The following NSD2 variants were observed in gnomAD, a reference collection of about 807,000 sequenced individuals.
NSD2 encodes nuclear receptor binding SET domain protein 2.
NSD2 carries 12 observed loss-of-function variants against 139.0 expected under a neutral mutation model. The ratio of observed to expected loss-of-function variants is 0.09; its 90% CI spans 0.06 to 0.14. The LOEUF (loss-of-function observed/expected upper bound fraction) is 0.14. NSD2 is among the 10% of genes least tolerant of loss of function. The pLI, the probability that NSD2 is intolerant of heterozygous loss-of-function variation, is 1.00. For missense variants in NSD2, 1,155 were observed against 1,745.0 expected (o/e 0.66, Z 6.02); for synonymous variants, 669 against 648.7 (o/e 1.03, Z -0.48).
intron 9 of NSD2, chr4:1,944,052 G>A (rs1381314769): frequency 4.7e-6 from 5 of 1,065,770 alleles, no homozygotes; most frequent in Non-Finnish European, 5.7e-6. Flanking sequence ...GCACATGGGG[G>A]AACGTGGATG....
chr4:1,936,689 A>AT (rs1489470936), intron 7 of NSD2, among the ~76,000 whole-genome samples: 1 of 150,592 alleles, frequency 6.6e-6, no homozygotes, highest in Non-Finnish European at 1.5e-5. Context: ...AAAAAAAAAA[A>AT]GTTCTGACAG....
At chr4:1,893,265 C>T (rs1349223440) in intron 1 of NSD2, among the ~76,000 whole-genome samples, 1 of 152,078 alleles carries the variant, frequency 6.6e-6, no homozygotes, top group Non-Finnish European at 1.5e-5. Context: ...GTCAGGAGTT[C>T]GAGACCAGCC....
At chr4:1,908,476 A>G (rs1177262621) in intron 3 of NSD2, among the ~76,000 whole-genome samples, 2 of 152,252 alleles carry the variant, frequency 1.3e-5, no homozygotes, top group African/African-American at 4.8e-5. Flanking sequence ...AGAGTATAAA[A>G]GATACTGTAC....
At chr4:1,929,743 CATT>C (rs1721411194) in intron 5 of NSD2, among the ~76,000 whole-genome samples, 2 of 152,140 alleles carry the variant, frequency 1.3e-5, no homozygotes, top group African/African-American at 2.4e-5. Flanking sequence ...GGCTGGCTGG[CATT>C]AGTGTGTCAG....
In NSD2 at chr4:1,958,088, C is replaced by T. The variant is rs1725012879; in HGVS notation, c.2985+52C>T. On this transcript the variant is annotated intron_variant, in intron 16 of 21. Coordinates refer to ENST00000508803, the MANE Select transcript of NSD2 (RefSeq NM_001042424.3). This position sits in a 1 kb window ranked among gnomAD's most constrained non-coding sequence, Gnocchi z 4.6. ...GTGTGGAGGGAGTCTTCCCCGAGGG[C>T]CGTGAGAGGTTCTTAGGCACACCCA... The T allele has an allele frequency of 6.4e-7, 1 of 1,569,832 alleles. No individual in the cohort carries two copies. The highest frequency in any genetic ancestry group is 1.4e-5 in the African/African-American group (1 of 73,876).
rs962342487 is a variant in NSD2 at position 1,978,501 on chromosome 4, C to G, written c.3827-137C>G. ...GCCCGGGCTGTGGTAGACAGTTTGT[C>G]TGCCCGTCCTGTTCGCTGGAGCCAG... On this transcript the variant is annotated intron_variant, in intron 21 of 21. Coordinates refer to ENST00000508803, the MANE Select transcript of NSD2 (RefSeq NM_001042424.3). The G allele has an allele frequency of 6.3e-6, 8 of 1,264,644 alleles. No individual in the cohort carries two copies. In the Admixed American group the frequency reaches 8.0e-5, roughly 13 times the overall value. The allele number at this position is 1,264,644 out of a possible 1,614,324, so 78.3% of individuals were successfully genotyped here.
chr4:1,922,708 C>T (rs201950005), intron 5 of NSD2, among the ~76,000 whole-genome samples: 9 of 151,966 alleles, frequency 5.9e-5, no homozygotes, highest in South Asian at 2.1e-4. Context: ...GGCGGATCAC[C>T]GGAGGTCAGG....
At chr4:1,894,343 G>A (rs1715953356) in intron 1 of NSD2, among the ~76,000 whole-genome samples, 1 of 152,128 alleles carries the variant, frequency 6.6e-6, no homozygotes, top group African/African-American at 2.4e-5. Flanking sequence ...TCAGAACATA[G>A]GGTGCTCTTT....
chr4:1,967,593 G>A (rs1270730289), intron 18 of NSD2, among the ~76,000 whole-genome samples: 5 of 150,926 alleles, frequency 3.3e-5, no homozygotes, highest in Non-Finnish European at 5.9e-5. Flanking sequence ...AAAAAAAAAA[G>A]ATATTTCCAA....
At chr4:1,944,510 C>T in intron 9 of NSD2, 1 of 1,065,580 alleles carries the variant, frequency 9.4e-7, no homozygotes, top group Non-Finnish European at 1.1e-6. Flanking sequence ...CCATCTTCCA[C>T]ACACTATGTC....
chr4:1,897,941 A>G lies in NSD2; in HGVS notation c.-29-2685A>G, dbSNP rs1716584743. Among the ~76,000 whole-genome samples, 5 of 152,052 alleles carry G rather than the reference A, an allele frequency of 3.3e-5. No homozygotes were observed. The South Asian group carries it at 1.0e-3, about 32-fold the overall frequency. On this transcript the variant is annotated intron_variant, in intron 1 of 21. Transcript: ENST00000508803. ...CTCACCCAGCTGCTGAACTTCTTGA[A>G]TCTGTACATTTGTGTCTTATTAAAT...
At chr4:1,902,099 T>C (rs1007848064) in intron 2 of NSD2, among the ~76,000 whole-genome samples, 1 of 152,198 alleles carries the variant, frequency 6.6e-6, no homozygotes, top group Non-Finnish European at 1.5e-5. Flanking sequence ...GGGTGTTGCT[T>C]TTTAGTTGTA....
rs1726872642 is a variant in NSD2, at chr4:1,974,646, A to C, written c.3373-217A>C. ...GTCCTGTCCTCCCCGGCGCTCACTAAGGCTCGGTCCTCTCCACGTGGTCCT... is the reference window on the plus strand; with the variant it reads ...GTCCTGTCCTCCCCGGCGCTCACTACGGCTCGGTCCTCTCCACGTGGTCCT... On this transcript the variant is annotated intron_variant, in intron 18 of 21. Coordinates refer to ENST00000508803, the MANE Select transcript of NSD2 (RefSeq NM_001042424.3). The surrounding 1 kb of genome is among the most constrained non-coding windows in gnomAD (Gnocchi z 4.0). 1 of 744,226 alleles carries C rather than the reference A, an allele frequency of 1.3e-6. No individual in the cohort carries two copies. The highest frequency in any genetic ancestry group is 2.4e-6 in the Non-Finnish European group (1 of 412,044). 46.1% of individuals were successfully genotyped at this position (744,226 alleles called of 1,614,324 possible). A position where few individuals can be genotyped will look rare whatever the true frequency, so the allele number is the denominator to read the frequency against.
rs1719736746 is a variant in NSD2, at chr4:1,918,710, A to G, written c.1410+87A>G. 2.0e-6 allele frequency: 3 copies of G among 1,522,216 alleles called. No individual in the cohort carries two copies. The South Asian group carries it at 3.8e-5, about 20-fold the overall frequency. 94.3% of individuals were successfully genotyped at this position (1,522,216 alleles called of 1,614,324 possible). On this transcript the variant is annotated intron_variant, in intron 5 of 21. Coordinates refer to ENST00000508803, the MANE Select transcript of NSD2 (RefSeq NM_001042424.3). ...GCAGAATCATCTGTTTCTCAGCATT[A>G]TCAGGAGACTCTAACATGAGCCTTG...
In NSD2 at chr4:1,900,644, A is replaced by G. The variant is rs1457786501; in HGVS notation, c.-11A>G. On this transcript the variant is annotated 5_prime_UTR_variant, in exon 2 of 22. Transcript: ENST00000508803. ...ACCATAGTGTTCTAAGAACGGAAGCATCTGGGCTGGATGGAATTTAGCATC... is the reference window on the plus strand; with the variant it reads ...ACCATAGTGTTCTAAGAACGGAAGCGTCTGGGCTGGATGGAATTTAGCATC... 6.4e-7 allele frequency: 1 copy of G among 1,555,368 alleles called. No individual in the cohort carries two copies. The highest frequency in any genetic ancestry group is 8.7e-7 in the Non-Finnish European group (1 of 1,151,232).
chr4:1,903,151 G>A (rs1717406885), intron 2 of NSD2, among the ~76,000 whole-genome samples: 1 of 152,218 alleles, frequency 6.6e-6, no homozygotes, highest in Non-Finnish European at 1.5e-5. Context: ...TTATGGCAAG[G>A]TTTTGGGCCG....
At chr4:1,944,217 C>T (rs1723390627) in intron 9 of NSD2, 2 of 1,066,140 alleles carry the variant, frequency 1.9e-6, no homozygotes, top group African/African-American at 3.3e-5. Flanking sequence ...GGAGTGGGCT[C>T]ATCCTAGAGG....
chr4:1,978,911 G>GC lies in NSD2; in HGVS notation c.*4dup, dbSNP rs777730489. On this transcript the variant is annotated 3_prime_UTR_variant, in exon 22 of 22. Coordinates refer to ENST00000508803, the MANE Select transcript of NSD2 (RefSeq NM_001042424.3). ...CGGAGAGTCACAGAGGGCAAATAGC[G>GC]CCAGGCGGCCGCTTGGCCGGATCCA... 6.6e-7 allele frequency: 1 copy of GC among 1,506,432 alleles called. No individual in the cohort carries two copies. Among genetic ancestry groups the GC allele is most frequent in the South Asian group, 1.3e-5 (1 of 76,300 alleles). 93.3% of individuals were successfully genotyped at this position (1,506,432 alleles called of 1,614,324 possible).
Position 1,981,069 on chromosome 4 carries a change from G to A in NSD2, c.*2160G>A, listed in dbSNP as rs1427317707. The A allele has an allele frequency of 1.3e-5, 3 of 233,154 alleles. No individual in the cohort carries two copies. Among genetic ancestry groups the A allele is most frequent in the Non-Finnish European group, 2.5e-5 (3 of 118,046 alleles). The allele number at this position is 233,154 out of a possible 1,614,324, so 14.4% of individuals were successfully genotyped here. A position where few individuals can be genotyped will look rare whatever the true frequency, so the allele number is the denominator to read the frequency against. On this transcript the variant is annotated 3_prime_UTR_variant, in exon 22 of 22. Transcript: ENST00000508803. Reference sequence around the variant, plus strand: ...AATCGGCTTTGCAGTGCACTTTGGGGAGCAGATATTAACTTATTTTTGTGT... The same window carrying A: ...AATCGGCTTTGCAGTGCACTTTGGGAAGCAGATATTAACTTATTTTTGTGT...
Sources: gnomAD v4.1 joint callset for allele counts (sites outside exome capture counted in the v4.1 genomes callset) on GRCh38, gnomAD v4.1.1 for gene constraint, Gnocchi (gnomAD v3.1) non-coding constraint, MANE v1.5 for transcripts, NCBI Gene and HGNC (gene_info 2026-07-23, HGNC 2026-07-21) for gene names.